The following BNC2 variants were observed in gnomAD, a reference collection of about 807,000 sequenced individuals.
BNC2 encodes basonuclin zinc finger protein 2.
BNC2 carries 20 observed loss-of-function variants against 76.3 expected under a neutral mutation model. That is an observed-to-expected ratio of 0.26 (90% CI 0.18 to 0.38). The LOEUF is 0.38. Ranked by LOEUF, BNC2 falls within the 10% of genes least tolerant of loss-of-function variation. BNC2 has a pLI of 1.00. For missense variants in BNC2, 1,382 were observed against 1,399.8 expected, an observed-to-expected ratio of 0.99 and a Z score of 0.20; for synonymous variants, 582 against 514.8, an observed-to-expected ratio of 1.13 and a Z score of -1.77.
chr9:16,498,186 C>G, intron 5 of BNC2, among the ~76,000 whole-genome samples: 1 of 119,456 alleles, frequency 8.4e-6, no homozygotes, highest in Non-Finnish European at 1.6e-5. Flanking sequence ...TATATATATT[C>G]CATCATATAT....
intron 3 of BNC2, chr9:16,685,625 G>T (rs1183480506): frequency 7.7e-7 from 1 of 1,304,254 alleles, no homozygotes; most frequent in Middle Eastern, 2.1e-4. Context: ...CATGCCAATG[G>T]AACCTGAGGG....
At chr9:16,454,328 G>A (rs984773226) in intron 5 of BNC2, among the ~76,000 whole-genome samples, 2 of 142,678 alleles carry the variant, frequency 1.4e-5, no homozygotes, top group Non-Finnish European at 3.0e-5. Context: ...TTAGAGAGAG[G>A]GTCTCACTCT....
intron 3 of BNC2, among the ~76,000 whole-genome samples, chr9:16,596,127 C>A (rs1353917223): frequency 1.3e-5 from 2 of 152,054 alleles, no homozygotes; most frequent in Non-Finnish European, 2.9e-5. Context: ...CATATGGTGC[C>A]TTTCTACAAA....
At chr9:16,431,238 T>C (rs918340774) in intron 6 of BNC2, among the ~76,000 whole-genome samples, 6 of 152,174 alleles carry the variant, frequency 3.9e-5, no homozygotes, top group African/African-American at 1.4e-4. Flanking sequence ...TAAGAAATAT[T>C]AGGAAACAGA....
At chr9:16,672,540 GC>G (rs1167005595) in intron 3 of BNC2, among the ~76,000 whole-genome samples, 5 of 152,044 alleles carry the variant, frequency 3.3e-5, no homozygotes, top group Admixed American at 3.3e-4. Flanking sequence ...CCAATCCAGA[GC>G]AAAAAATCCT....
At chr9:16,493,342 A>C (rs1173080968) in intron 5 of BNC2, among the ~76,000 whole-genome samples, 1 of 152,202 alleles carries the variant, frequency 6.6e-6, no homozygotes, top group African/African-American at 2.4e-5. Flanking sequence ...AGAAGCCATC[A>C]ATTCAGAAGA....
At chr9:16,543,656 C>G (rs1379634484) in intron 5 of BNC2, among the ~76,000 whole-genome samples, 1 of 152,170 alleles carries the variant, frequency 6.6e-6, no homozygotes, top group Non-Finnish European at 1.5e-5. Context: ...ACTCTGAGCA[C>G]AAAACATCAA....
At chr9:16,608,368 T>C (rs965581692) in intron 3 of BNC2, among the ~76,000 whole-genome samples, 1 of 152,162 alleles carries the variant, frequency 6.6e-6, no homozygotes, top group Non-Finnish European at 1.5e-5. Context: ...TCTGTCTCTG[T>C]ACAGGGGAGC....
chr9:16,720,127 CT>C (rs1824107906), intron 3 of BNC2, among the ~76,000 whole-genome samples: 2 of 152,314 alleles, frequency 1.3e-5, no homozygotes, highest in Non-Finnish European at 1.5e-5. Flanking sequence ...TCAAAGAACC[CT>C]TCTACAGCAA....
chr9:16,848,863 C>T (rs1374850769), intron 1 of BNC2, among the ~76,000 whole-genome samples: 4 of 152,128 alleles, frequency 2.6e-5, no homozygotes, highest in African/African-American at 4.8e-5. Flanking sequence ...CTGATGTCCA[C>T]GTACACAAAC....
chr9:16,847,223 TCAAAA>T (rs1446061257), intron 1 of BNC2, among the ~76,000 whole-genome samples: 1 of 152,102 alleles, frequency 6.6e-6, no homozygotes, highest in African/African-American at 2.4e-5. Flanking sequence ...CACACGCAGC[TCAAAA>T]CAAAGTTTTT....
At chr9:16,600,132 T>C (rs1231874864) in intron 3 of BNC2, among the ~76,000 whole-genome samples, 1 of 152,252 alleles carries the variant, frequency 6.6e-6, no homozygotes, top group Non-Finnish European at 1.5e-5. Flanking sequence ...TTTATGACAC[T>C]GAACATCAGT....
chr9:16,849,560 T>A (rs972666362), intron 1 of BNC2, among the ~76,000 whole-genome samples: 1 of 152,108 alleles, frequency 6.6e-6, no homozygotes, highest in East Asian at 1.9e-4. Context: ...GGTTTCACCA[T>A]GTTGGCCAGG....
At chr9:16,471,249 C>A (rs2131373047) in intron 5 of BNC2, among the ~76,000 whole-genome samples, 1 of 152,110 alleles carries the variant, frequency 6.6e-6, no homozygotes, top group East Asian at 1.9e-4. Context: ...TTACCCAATA[C>A]CTATACCTCC....
At chr9:16,852,474 A>G (rs1268968450) in intron 1 of BNC2, among the ~76,000 whole-genome samples, 3 of 152,216 alleles carry the variant, frequency 2.0e-5, no homozygotes, top group African/African-American at 7.2e-5. Context: ...CACAAGGACA[A>G]TCATATGTGA....
At chr9:16,778,678 T>G (rs1826035666) in intron 1 of BNC2, among the ~76,000 whole-genome samples, 1 of 152,196 alleles carries the variant, frequency 6.6e-6, no homozygotes, top group South Asian at 2.1e-4. Context: ...TTACCAGACT[T>G]CCAAGCCTGA....
At chr9:16,624,809 T>G (rs907535520) in intron 3 of BNC2, among the ~76,000 whole-genome samples, 2 of 152,222 alleles carry the variant, frequency 1.3e-5, no homozygotes, top group African/African-American at 4.8e-5. Context: ...AACAAGTATT[T>G]ATTTAAAGAA....
chr9:16,519,035 T>C (rs374254253), intron 5 of BNC2, among the ~76,000 whole-genome samples: 6 of 152,352 alleles, frequency 3.9e-5, no homozygotes, highest in African/African-American at 1.2e-4. Flanking sequence ...CTTGCCAGAA[T>C]TGTCAGATTA....
At chr9:16,483,240 A>G (rs1822096498) in intron 5 of BNC2, among the ~76,000 whole-genome samples, 1 of 152,228 alleles carries the variant, frequency 6.6e-6, no homozygotes. Context: ...CCACTGAAAA[A>G]GACACTGCTG....
Sources: allele counts gnomAD v4.1 joint callset (sites outside exome capture counted in the v4.1 genomes callset), GRCh38; gene constraint gnomAD v4.1.1; transcripts MANE v1.5; gene names NCBI Gene and HGNC (gene_info 2026-07-23, HGNC 2026-07-21).